JPT2: variants seen among roughly 807,000 people sequenced by gnomAD.
The protein encoded by JPT2 is CRAMP_1 like.
JPT2 carries 9 observed loss-of-function variants against 15.9 expected under a neutral mutation model. The observed-to-expected ratio is 0.57, with a 90% CI of 0.34 to 0.99. JPT2 has a LOEUF of 0.99. JPT2 is among the 50% of genes least tolerant of loss of function. The pLI is 0.02. For missense variants in JPT2, 267 were observed against 252.1 expected (o/e 1.06, Z -0.40); for synonymous variants, 95 against 91.7 (o/e 1.04, Z -0.21).
At position 1,699,983 on chromosome 16, in the gene JPT2, G is replaced by C. The variant is rs1409614215; in HGVS notation, c.*985G>C. 1 of 311,632 alleles carries C rather than the reference G, an allele frequency of 3.2e-6. No homozygotes were observed. Among genetic ancestry groups the C allele is most frequent in the Non-Finnish European group, 6.7e-6 (1 of 148,932 alleles). The allele number at this position is 311,632 out of a possible 1,614,324, so 19.3% of individuals were successfully genotyped here. ...TGGGAACCTTGGGTTCTTAGGTTTG[G>C]ATTCTTTAATAATATCTAAAAAGCT... On this transcript the variant is annotated 3_prime_UTR_variant, in exon 5 of 5. Coordinates refer to ENST00000248098, the MANE Select transcript of JPT2 (RefSeq NM_144570.3).
intron 2 of JPT2, 169 bp downstream of exon 2, chr16:1,685,756 G>C: frequency 1.4e-6 from 1 of 699,418 alleles, no homozygotes; most frequent in Admixed American, 3.2e-5. Context: ...CTCTCTTGAA[G>C]GTGACTTGAG....
chr16:1,697,148 G>A (rs762648720), intron 3 of JPT2, among the ~76,000 whole-genome samples: 20 of 152,198 alleles, frequency 1.3e-4, no homozygotes, highest in Non-Finnish European at 1.8e-4. Flanking sequence ...ATTGACACAC[G>A]CTACAGCATG....
intron 2 of JPT2, among the ~76,000 whole-genome samples, chr16:1,687,813 G>A (rs914711332): frequency 6.6e-6 from 1 of 152,218 alleles, no homozygotes; most frequent in Non-Finnish European, 1.5e-5. Flanking sequence ...AAGGGAAACT[G>A]CTAGTTGTGT....
Position 1,700,591 on chromosome 16 carries a change from T to A in JPT2, c.*1593T>A, listed in dbSNP as rs1349317954. 6.0e-6 allele frequency: 1 copy of A among 167,760 alleles called. No individual in the cohort carries two copies. The allele number at this position is 167,760 out of a possible 1,614,324, so 10.4% of individuals were successfully genotyped here. A position where few individuals can be genotyped will look rare whatever the true frequency, so the allele number is the denominator to read the frequency against. ...GGCACACTGGGGTCTGCACAAGGCTTTGTCAACCAAAGACAGCTTCCCCCT... is the reference window on the plus strand; with the variant it reads ...GGCACACTGGGGTCTGCACAAGGCTATGTCAACCAAAGACAGCTTCCCCCT... On this transcript the variant is annotated 3_prime_UTR_variant, in exon 5 of 5. Transcript: ENST00000248098.
At chr16:1,702,857 T>G (rs951958706), downstream of JPT2, among the ~76,000 whole-genome samples, 1 of 152,218 alleles carries the variant, frequency 6.6e-6, no homozygotes, top group Non-Finnish European at 1.5e-5. Context: ...TTTTAGAAAC[T>G]TACATTTTAT....
chr16:1,687,945 G>T (rs962489011), intron 2 of JPT2, among the ~76,000 whole-genome samples: 2 of 152,178 alleles, frequency 1.3e-5, no homozygotes, highest in African/African-American at 4.8e-5. Flanking sequence ...GAGAGTGTGT[G>T]TGACCGACCA....
chr16:1,694,228 A>G (rs942093529), intron 3 of JPT2, among the ~76,000 whole-genome samples: 8 of 152,230 alleles, frequency 5.3e-5, no homozygotes, highest in Non-Finnish European at 8.8e-5. Context: ...TTAACATCAC[A>G]AAATGAGAGA....
Position 1,699,294 on chromosome 16 carries a change from T to G in JPT2, c.*296T>G. ...GGTGGGGAGGTGGGGCAGGGCATGG[T>G]CCTTGGATCAACAGCCCGCCAGCTG... On this transcript the variant is annotated 3_prime_UTR_variant, in exon 5 of 5. Coordinates refer to ENST00000248098, the MANE Select transcript of JPT2 (RefSeq NM_144570.3). 1 of 585,736 alleles carries G rather than the reference T, an allele frequency of 1.7e-6. No individual in the cohort carries two copies. The highest frequency in any genetic ancestry group is 3.2e-6 in the Non-Finnish European group (1 of 310,644). The allele number at this position is 585,736 out of a possible 1,614,324, so 36.3% of individuals were successfully genotyped here.
chr16:1,702,840 A>C (rs1198858736), downstream of JPT2, among the ~76,000 whole-genome samples: 2 of 152,240 alleles, frequency 1.3e-5, no homozygotes, highest in Non-Finnish European at 2.9e-5. Context: ...TAGAAATTAA[A>C]GTTGAATTTT....
At chr16:1,691,077 C>G (rs1476763992) in intron 2 of JPT2, among the ~76,000 whole-genome samples, 3 of 152,192 alleles carry the variant, frequency 2.0e-5, no homozygotes, top group Non-Finnish European at 4.4e-5. Context: ...TTTAATGACA[C>G]CAACCTCCAT....
chr16:1,696,825 G>A (rs932195022), intron 3 of JPT2, among the ~76,000 whole-genome samples: 38 of 152,196 alleles, frequency 2.5e-4, no homozygotes, highest in African/African-American at 8.2e-4. Context: ...TGGAAAATAC[G>A]AGTTGGTGAG....
intron 3 of JPT2, among the ~76,000 whole-genome samples, chr16:1,693,343 C>T (rs539062869): frequency 2.7e-4 from 41 of 152,312 alleles, no homozygotes; most frequent in Admixed American, 4.6e-4. Context: ...GTGATCCACC[C>T]GCTTCAGCCT....
Position 1,699,082 on chromosome 16 carries a change from G to A in JPT2, c.*84G>A. Reference sequence around the variant, plus strand: ...TTTTCATTTCCTTTTGCCCAAATGAGCGGGGTGGGAAGAGGGTTAGTCTTA... The same window carrying A: ...TTTTCATTTCCTTTTGCCCAAATGAACGGGGTGGGAAGAGGGTTAGTCTTA... On this transcript the variant is annotated 3_prime_UTR_variant, in exon 5 of 5. Transcript: ENST00000248098. 7.1e-7 allele frequency: 1 copy of A among 1,417,888 alleles called. No homozygotes were observed. Among genetic ancestry groups the A allele is most frequent in the East Asian group, 2.3e-5 (1 of 43,950 alleles). 87.8% of individuals were successfully genotyped at this position (1,417,888 alleles called of 1,614,324 possible).
In JPT2 at chr16:1,699,078, A is replaced by C; in HGVS notation, c.*80A>C. 1 of 1,437,904 alleles carries C rather than the reference A, an allele frequency of 7.0e-7. No individual in the cohort carries two copies. The highest frequency in any genetic ancestry group is 1.1e-5 in the South Asian group (1 of 87,390). 89.1% of individuals were successfully genotyped at this position (1,437,904 alleles called of 1,614,324 possible). A position where few individuals can be genotyped will look rare whatever the true frequency, so the allele number is the denominator to read the frequency against. On this transcript the variant is annotated 3_prime_UTR_variant, in exon 5 of 5. Coordinates refer to ENST00000248098, the MANE Select transcript of JPT2 (RefSeq NM_144570.3). ...CATGTTTTCATTTCCTTTTGCCCAA[A>C]TGAGCGGGGTGGGAAGAGGGTTAGT... is the stretch of plus-strand genomic sequence containing the variant.
At chr16:1,689,138 GT>G (rs1383820051) in intron 2 of JPT2, 9 of 151,968 alleles carry the variant, frequency 5.9e-5, no homozygotes, top group African/African-American at 2.2e-4. Context: ...ATGTTTCACA[GT>G]TTAACTATTT....
chr16:1,690,099 G>C (rs1190684723), intron 2 of JPT2: 1 of 152,206 alleles, frequency 6.6e-6, no homozygotes, highest in East Asian at 1.9e-4. Context: ...CTCTGTTATA[G>C]TCCTCCTTGT....
intron 1 of JPT2, among the ~76,000 whole-genome samples, chr16:1,684,483 G>A (rs2037049210): frequency 6.6e-6 from 1 of 152,170 alleles, no homozygotes; most frequent in South Asian, 2.1e-4. Flanking sequence ...GCCCACACCT[G>A]TAATCCCAGC....
At position 1,699,165 on chromosome 16, in the gene JPT2, G is replaced by A. The variant is rs556661800; in HGVS notation, c.*167G>A. On this transcript the variant is annotated 3_prime_UTR_variant, in exon 5 of 5. Coordinates refer to ENST00000248098, the MANE Select transcript of JPT2 (RefSeq NM_144570.3). The stretch of plus-strand genomic sequence containing the variant: ...TCATGACAGCTGCTTGGAGACCCGT[G>A]CCTTCCAGATGGCTGGGAGATGCCT... 1 of 755,398 alleles carries A rather than the reference G, an allele frequency of 1.3e-6. No individual in the cohort carries two copies. Among genetic ancestry groups the A allele is most frequent in the Non-Finnish European group, 2.3e-6 (1 of 433,572 alleles). 46.8% of individuals were successfully genotyped at this position (755,398 alleles called of 1,614,324 possible). A position where few individuals can be genotyped will look rare whatever the true frequency, so the allele number is the denominator to read the frequency against.
At chr16:1,681,114 C>G (rs1596504093) in intron 1 of JPT2, among the ~76,000 whole-genome samples, 1 of 152,336 alleles carries the variant, frequency 6.6e-6, no homozygotes. Context: ...AATGTGTGAG[C>G]TCTAGCGTTC....
Sources: gnomAD v4.1 joint callset for allele counts (sites outside exome capture counted in the v4.1 genomes callset) on GRCh38, gnomAD v4.1.1 for gene constraint, MANE v1.5 for transcripts, NCBI Gene and HGNC (gene_info 2026-07-23, HGNC 2026-07-21) for gene names.